STXBP5L: variants seen among roughly 807,000 people sequenced by gnomAD.
STXBP5L encodes the protein syntaxin-binding protein 5-like.
Under a neutral mutation model 144.5 loss-of-function variants are expected in STXBP5L, and 65 were observed. That is an observed-to-expected ratio of 0.45 (90% CI 0.37 to 0.55). The LOEUF (loss-of-function observed/expected upper bound fraction) is 0.55. STXBP5L is among the 20% of genes least tolerant of loss of function. STXBP5L has a pLI of 0.00. For missense variants in STXBP5L, 1,298 were observed against 1,405.5 expected (o/e 0.92, Z 1.22); for synonymous variants, 505 against 469.6 (o/e 1.08, Z -0.97).
chr3:121,375,320 CA>C (rs2046150736), intron 20 of STXBP5L, among the ~76,000 whole-genome samples: 1 of 152,082 alleles, frequency 6.6e-6, no homozygotes, highest in East Asian at 1.9e-4. Context: ...AGTCAGAATC[CA>C]AAAAGCCTGG....
At chr3:121,229,163 G>A (rs1487443563) in intron 11 of STXBP5L, among the ~76,000 whole-genome samples, 4 of 151,884 alleles carry the variant, frequency 2.6e-5, no homozygotes, top group South Asian at 2.1e-4. Flanking sequence ...CAGTTATATC[G>A]CTCTAGGAAA....
chr3:121,320,348 G>A (rs969044168), intron 20 of STXBP5L, among the ~76,000 whole-genome samples: 2 of 151,762 alleles, frequency 1.3e-5, no homozygotes, highest in African/African-American at 2.4e-5. Flanking sequence ...TATTGAGCTT[G>A]CATCCAGGAA....
chr3:121,195,027 A>G (rs905860019), intron 9 of STXBP5L, among the ~76,000 whole-genome samples: 2 of 145,290 alleles, frequency 1.4e-5, no homozygotes, highest in East Asian at 2.0e-4. Context: ...GTGATTCTTC[A>G]GCCTCGGCCT....
chr3:121,300,593 G>T (rs572671309), intron 19 of STXBP5L, among the ~76,000 whole-genome samples: 1 of 151,980 alleles, frequency 6.6e-6, no homozygotes, highest in African/African-American at 2.4e-5. Context: ...ACAAATAGAT[G>T]CACATTATAA....
chr3:121,253,910 C>T (rs2050123236), intron 15 of STXBP5L, among the ~76,000 whole-genome samples: 1 of 150,808 alleles, frequency 6.6e-6, no homozygotes, highest in Non-Finnish European at 1.5e-5. Flanking sequence ...ACCTCGGCCT[C>T]CCAAAGTGCT....
intron 23 of STXBP5L, 121 bp from the exon 24 acceptor site, chr3:121,413,037 T>C (rs1480085204): frequency 1.3e-5 from 11 of 875,790 alleles, no homozygotes; most frequent in Non-Finnish European, 1.7e-5. Context: ...CAAAAAAATA[T>C]AAAAATAAAA....
intron 3 of STXBP5L, among the ~76,000 whole-genome samples, chr3:120,969,207 T>A (rs1475037181): frequency 6.6e-6 from 1 of 152,082 alleles, no homozygotes; most frequent in Non-Finnish European, 1.5e-5. Context: ...ACATCTATTT[T>A]TTTTTTTAAC....
intron 3 of STXBP5L, among the ~76,000 whole-genome samples, chr3:121,020,124 C>A (rs1945438711): frequency 6.6e-6 from 1 of 151,982 alleles, no homozygotes; most frequent in Non-Finnish European, 1.5e-5. Flanking sequence ...TAGAAAATTA[C>A]AAAATGCACT....
At chr3:121,118,131 A>T (rs1300644706) in intron 6 of STXBP5L, among the ~76,000 whole-genome samples, 2 of 151,780 alleles carry the variant, frequency 1.3e-5, no homozygotes, top group Non-Finnish European at 3.0e-5. Flanking sequence ...TACTAGAAAC[A>T]ACTATGAACA....
At chr3:121,006,645 T>G (rs1423271010) in intron 3 of STXBP5L, among the ~76,000 whole-genome samples, 1 of 152,216 alleles carries the variant, frequency 6.6e-6, no homozygotes. Context: ...CTTCCTAGTA[T>G]CAATGGTCTT....
chr3:121,356,248 G>A (rs892394997), intron 20 of STXBP5L, among the ~76,000 whole-genome samples: 1 of 152,272 alleles, frequency 6.6e-6, no homozygotes, highest in Non-Finnish European at 1.5e-5. Context: ...GGACATTTAA[G>A]TCTGCAGAAG....
At chr3:121,350,229 G>C (rs528123133) in intron 20 of STXBP5L, among the ~76,000 whole-genome samples, 1 of 152,204 alleles carries the variant, frequency 6.6e-6, no homozygotes, top group Non-Finnish European at 1.5e-5. Context: ...GCTTAGTTTG[G>C]CTGGATATGA....
chr3:121,088,444 A>G (rs1302696340), intron 5 of STXBP5L, among the ~76,000 whole-genome samples: 1 of 108,126 alleles, frequency 9.2e-6, no homozygotes, highest in Non-Finnish European at 1.9e-5. Flanking sequence ...AGGAAACAAC[A>G]GGTGCTGGAG....
intron 5 of STXBP5L, among the ~76,000 whole-genome samples, chr3:121,113,019 C>T (rs571263438): frequency 6.6e-6 from 1 of 152,060 alleles, no homozygotes; most frequent in Non-Finnish European, 1.5e-5. Flanking sequence ...GTAACCACTA[C>T]TCATCAGTTG....
chr3:121,249,334 T>C (rs1204047317), intron 14 of STXBP5L, among the ~76,000 whole-genome samples: 1 of 152,154 alleles, frequency 6.6e-6, no homozygotes, highest in African/African-American at 2.4e-5. Context: ...TAATAAGTCA[T>C]ACAATTATCA....
At chr3:121,107,005 C>T (rs376904824) in intron 5 of STXBP5L, among the ~76,000 whole-genome samples, 37 of 151,974 alleles carry the variant, frequency 2.4e-4, no homozygotes, top group African/African-American at 8.9e-4. Context: ...TGATATTGAA[C>T]TTTTTTTCAT....
chr3:121,036,002 T>C (rs900906513), intron 3 of STXBP5L, among the ~76,000 whole-genome samples: 3 of 152,174 alleles, frequency 2.0e-5, no homozygotes, highest in Non-Finnish European at 4.4e-5. Flanking sequence ...TCTTAATATA[T>C]AATTGGTCTT....
chr3:120,991,145 A>C (rs1269210997), intron 3 of STXBP5L, among the ~76,000 whole-genome samples: 1 of 149,492 alleles, frequency 6.7e-6, no homozygotes, highest in South Asian at 2.1e-4. Context: ...AAACAAACAA[A>C]CAACCCCATC....
At position 121,254,995 on chromosome 3, in the gene STXBP5L, A is replaced by G. The variant is rs897455507; in HGVS notation, c.1542A>G (p.Pro514=). ...KQTCEIVEED[P]FAIQMIYWCP... ...CATGTGAAATTGTAGAGGAAGACCCATTTGCCATTCAGATGATTTACTGGT... is the reference window on the plus strand; with the variant it reads ...CATGTGAAATTGTAGAGGAAGACCCGTTTGCCATTCAGATGATTTACTGGT... The change falls in exon 16 of 27, where the codon CCA becomes CCG. Residue 514 remains proline (P), a synonymous_variant. Transcript: ENST00000471454. 1.2e-6 allele frequency: 2 copies of G among 1,613,526 alleles called. No individual in the cohort carries two copies. The highest frequency in any genetic ancestry group is 1.7e-5 in the Admixed American group (1 of 59,958).
Sources: allele counts gnomAD v4.1 joint callset (sites outside exome capture counted in the v4.1 genomes callset), GRCh38; gene constraint gnomAD v4.1.1; transcripts MANE v1.5; gene names NCBI Gene and HGNC (gene_info 2026-07-23, HGNC 2026-07-21).